TSHZ3: variants seen among roughly 807,000 people sequenced by gnomAD.
The protein encoded by TSHZ3 is teashirt homolog 3.
TSHZ3 carries 10 observed loss-of-function variants against 64.5 expected under a neutral mutation model. The ratio of observed to expected loss-of-function variants is 0.16; its 90% CI spans 0.10 to 0.26. The LOEUF (loss-of-function observed/expected upper bound fraction) is 0.26. TSHZ3 is among the 10% of genes least tolerant of loss of function. The probability of loss-of-function intolerance (pLI) is 1.00; values close to 1 mark genes in which losing one functional copy is unlikely to be tolerated. For synonymous variants in TSHZ3, 608 were observed against 593.1 expected (o/e 1.03, Z -0.36); for missense variants, 1,242 against 1,421.7 (o/e 0.87, Z 2.03).
rs780383188 is a variant in TSHZ3 at position 31,279,124 on chromosome 19, G to A, written c.669C>T (p.Tyr223=). ...GCACCGTCAACTCCACCAGGGTGTC[G>A]TAGGCAGCGCTGCAGTCCTTACAGC... ...KFRCKDCSAA[Y]DTLVELTVHM... is the part of the protein sequence containing the mutation. Residue 223 remains tyrosine (Y), a synonymous_variant, in exon 2 of 2, where the codon TAC becomes TAT. Transcript: ENST00000240587. The surrounding 1 kb of genome is among the most constrained non-coding windows in gnomAD (Gnocchi z 6.4). 85 of 1,613,704 alleles carry A rather than the reference G, an allele frequency of 5.3e-5. No homozygotes were observed. The highest frequency in any genetic ancestry group is 6.9e-5 in the Non-Finnish European group (81 of 1,179,850).
chr19:31,328,815 A>G (rs1007695773), intron 1 of TSHZ3, among the ~76,000 whole-genome samples: 1 of 152,358 alleles, frequency 6.6e-6, no homozygotes, highest in African/African-American at 2.4e-5. Context: ...ATTTAAGATT[A>G]AAGAATTATC....
intron 1 of TSHZ3, among the ~76,000 whole-genome samples, chr19:31,347,830 G>GT (rs1403286518): frequency 1.9e-4 from 29 of 152,194 alleles, no homozygotes; most frequent in Non-Finnish European, 2.9e-5. Context: ...GTGACCCCGT[G>GT]TAAGGGGTCT....
At chr19:31,161,597 C>T (rs948677771) in intron 5 of TSHZ3, among the ~76,000 whole-genome samples, 6 of 152,150 alleles carry the variant, frequency 3.9e-5, no homozygotes, top group African/African-American at 1.2e-4. Flanking sequence ...TTCTCTGAGT[C>T]GCATCTGCAT....
intron 1 of TSHZ3, among the ~76,000 whole-genome samples, chr19:31,307,762 G>A (rs558908215): frequency 3.9e-5 from 6 of 152,292 alleles, no homozygotes; most frequent in South Asian, 2.1e-4. Flanking sequence ...TTCCTTAGGC[G>A]GGCCTTTAAT....
intron 6 of TSHZ3, among the ~76,000 whole-genome samples, chr19:31,152,125 T>A (rs1224752558): frequency 6.8e-6 from 1 of 147,380 alleles, no homozygotes; most frequent in Non-Finnish European, 1.5e-5. Flanking sequence ...GAATTCTGCT[T>A]AAAAAAAAAA....
At chr19:31,198,899 G>A (rs1410428113) in intron 5 of TSHZ3, among the ~76,000 whole-genome samples, 1 of 152,118 alleles carries the variant, frequency 6.6e-6, no homozygotes, top group East Asian at 1.9e-4. Flanking sequence ...AATCCCAGAA[G>A]GTTATTTTGT....
At chr19:31,173,762 C>T (rs76944304) in intron 5 of TSHZ3, among the ~76,000 whole-genome samples, 3 of 152,128 alleles carry the variant, frequency 2.0e-5, no homozygotes, top group African/African-American at 7.2e-5. Context: ...GAAACTGAAC[C>T]AACAGGATAC....
At chr19:31,313,580 C>T (rs1222744602) in intron 1 of TSHZ3, among the ~76,000 whole-genome samples, 1 of 152,192 alleles carries the variant, frequency 6.6e-6, no homozygotes, top group Non-Finnish European at 1.5e-5. Flanking sequence ...ACACATATGC[C>T]AGTGCCTCTG....
chr19:31,250,220 A>G (rs1255950820), intron 1 of TSHZ3, among the ~76,000 whole-genome samples: 1 of 152,246 alleles, frequency 6.6e-6, no homozygotes, highest in African/African-American at 2.4e-5. Flanking sequence ...TATACCTGCA[A>G]GCAGACATTG....
chr19:31,279,372 G>C lies in TSHZ3; in HGVS notation c.421C>G (p.Pro141Ala). 12 of 1,614,210 alleles carry C rather than the reference G, an allele frequency of 7.4e-6. No homozygotes were observed. Among genetic ancestry groups the C allele is most frequent in the Non-Finnish European group, 1.0e-5 (12 of 1,180,032 alleles). The change falls in exon 2 of 2, where the codon CCC becomes GCC. Residue 141 changes from proline (P) to alanine (A), a missense_variant. Transcript: ENST00000240587. The surrounding 1 kb of genome is among the most constrained non-coding windows in gnomAD (Gnocchi z 6.4). ...CTGCCGTTGTTCTTCTCCGAGGAGG[G>C]CTGGTGCAGGTTGAGGTTGAGGTTG... ...WSNLNLNLHQ[P>A]SSEKNNGSSS... is the part of the protein sequence containing the mutation.
At chr19:31,191,050 A>G (rs1388423252) in intron 5 of TSHZ3, among the ~76,000 whole-genome samples, 1 of 152,180 alleles carries the variant, frequency 6.6e-6, no homozygotes, top group Non-Finnish European at 1.5e-5. Flanking sequence ...GTAGAGACTC[A>G]GAGACCTAAG....
At chr19:31,339,267 G>T (rs1917353448) in intron 1 of TSHZ3, among the ~76,000 whole-genome samples, 1 of 151,872 alleles carries the variant, frequency 6.6e-6, no homozygotes, top group Admixed American at 6.6e-5. Flanking sequence ...TGAGAAAGGG[G>T]GGAAAAAAAG....
At chr19:31,347,927 TACA>T (rs2021563380) in intron 1 of TSHZ3, among the ~76,000 whole-genome samples, 1 of 152,184 alleles carries the variant, frequency 6.6e-6, no homozygotes, top group African/African-American at 2.4e-5. Flanking sequence ...GCACCATGGC[TACA>T]ACGCCTTCCT....
chr19:31,187,526 T>C (rs1230982893), intron 5 of TSHZ3, among the ~76,000 whole-genome samples: 1 of 152,184 alleles, frequency 6.6e-6, no homozygotes, highest in Non-Finnish European at 1.5e-5. Flanking sequence ...AGTCAAATAA[T>C]ATATTCTCCT....
At chr19:31,210,005 G>A (rs867673540) in intron 4 of TSHZ3, among the ~76,000 whole-genome samples, 5 of 152,074 alleles carry the variant, frequency 3.3e-5, no homozygotes, top group Admixed American at 6.5e-5. Flanking sequence ...TTTTGAAGGA[G>A]GTAACAAGGC....
intron 1 of TSHZ3, chr19:31,308,375 T>C: frequency 3.0e-6 from 1 of 334,446 alleles, no homozygotes; most frequent in East Asian, 4.6e-5. Flanking sequence ...TATTGTGTCC[T>C]TAATCAAGTC....
intron 4 of TSHZ3, among the ~76,000 whole-genome samples, chr19:31,221,010 G>A (rs1450957970): frequency 6.6e-6 from 1 of 152,186 alleles, no homozygotes; most frequent in East Asian, 1.9e-4. Flanking sequence ...AATTACAAAT[G>A]TTTATTATCA....
chr19:31,187,147 CT>C (rs1215015871), intron 5 of TSHZ3, among the ~76,000 whole-genome samples: 1 of 152,148 alleles, frequency 6.6e-6, no homozygotes, highest in Non-Finnish European at 1.5e-5. Flanking sequence ...TGACTCTAAC[CT>C]TTGTGGGCAC....
chr19:31,163,498 G>A (rs981045387), intron 5 of TSHZ3, among the ~76,000 whole-genome samples: 4 of 152,126 alleles, frequency 2.6e-5, no homozygotes, highest in African/African-American at 9.7e-5. Context: ...TTGGGAGGCC[G>A]AGGTGGGCGG....
Sources: allele counts gnomAD v4.1 joint callset (sites outside exome capture counted in the v4.1 genomes callset), GRCh38; gene constraint gnomAD v4.1.1; non-coding constraint Gnocchi (gnomAD v3.1); transcripts MANE v1.5; gene names NCBI Gene and HGNC (gene_info 2026-07-23, HGNC 2026-07-21).